PTK2B: variants seen among roughly 807,000 people sequenced by gnomAD.
The protein encoded by PTK2B is protein tyrosine kinase 2 beta.
In PTK2B, 71 loss-of-function variants were observed where a neutral mutation model predicts 142.9. The observed-to-expected ratio is 0.50, with a 90% CI of 0.41 to 0.61. PTK2B has a LOEUF of 0.61. Among genes scored for constraint, PTK2B ranks in the 20% least tolerant of loss-of-function variants. PTK2B has a pLI of 0.00. For missense variants in PTK2B, 1,105 were observed against 1,320.4 expected (o/e 0.84, Z 2.53); for synonymous variants, 519 against 503.4 (o/e 1.03, Z -0.42).
chr8:27,389,401 GAACT>G (rs1338618603), intron 1 of PTK2B, among the ~76,000 whole-genome samples: 1 of 152,176 alleles, frequency 6.6e-6, no homozygotes, highest in Admixed American at 6.5e-5. Context: ...AATTTTTGAA[GAACT>G]AAGAGAAGAA....
Position 27,314,938 on chromosome 8 carries a change from AAAAT to A in PTK2B, c.-414+1659_-414+1662del, listed in dbSNP as rs770980523. 2.8e-4 allele frequency among the ~76,000 whole-genome samples: 43 copies of A among 152,330 alleles called. 1 individual carries two copies. Among genetic ancestry groups the A allele is most frequent in the African/African-American group, 9.1e-4 (38 of 41,560 alleles). Reference sequence around the variant, plus strand: ...TGACAGAGCCAGACCCTGTCTCAAAAAAATAAATAAACTTCTATCCCTTTCCTCT... The same window carrying A: ...TGACAGAGCCAGACCCTGTCTCAAAAAAATAAACTTCTATCCCTTTCCTCT... On this transcript the variant is annotated intron_variant, in intron 3 of 35. Transcript: ENST00000397501.
At chr8:27,317,775 T>A (rs1350096162) in intron 3 of PTK2B, among the ~76,000 whole-genome samples, 3 of 152,164 alleles carry the variant, frequency 2.0e-5, no homozygotes, top group Non-Finnish European at 4.4e-5. Context: ...TCGGCCCCTG[T>A]AGGCATTTCG....
At chr8:27,370,426 A>G (rs747377594) in intron 1 of PTK2B, among the ~76,000 whole-genome samples, 1 of 152,252 alleles carries the variant, frequency 6.6e-6, no homozygotes, top group Non-Finnish European at 1.5e-5. Flanking sequence ...TTTGTAAACC[A>G]GTAAGTCTGA....
chr8:27,425,426 C>CT (rs1278433630), intron 5 of PTK2B, among the ~76,000 whole-genome samples: 2 of 152,058 alleles, frequency 1.3e-5, no homozygotes, highest in East Asian at 3.8e-4. Context: ...CTTTACCCTT[C>CT]TTTTGTTTGT....
intron 1 of PTK2B, among the ~76,000 whole-genome samples, chr8:27,350,478 A>G (rs1303241333): frequency 6.6e-6 from 1 of 152,160 alleles, no homozygotes; most frequent in East Asian, 1.9e-4. Context: ...TGGAATATCT[A>G]TTTCAATAAC....
At chr8:27,352,835 G>A (rs1034787537) in intron 1 of PTK2B, among the ~76,000 whole-genome samples, 9 of 152,266 alleles carry the variant, frequency 5.9e-5, no homozygotes, top group African/African-American at 2.2e-4. Context: ...CTAGCCATGT[G>A]GAACTGTAAG....
At chr8:27,334,066 C>G (rs2129641210) in intron 1 of PTK2B, among the ~76,000 whole-genome samples, 1 of 152,268 alleles carries the variant, frequency 6.6e-6, no homozygotes, top group East Asian at 1.9e-4. Context: ...TTCCACGCCC[C>G]CACTTTTTTC....
chr8:27,329,588 A>G (rs1248754176), intron 1 of PTK2B, among the ~76,000 whole-genome samples: 1 of 152,164 alleles, frequency 6.6e-6, no homozygotes, highest in Non-Finnish European at 1.5e-5. Context: ...GGGATGGAGT[A>G]GAGGTGCAGA....
intron 2 of PTK2B, among the ~76,000 whole-genome samples, chr8:27,410,473 TTGAG>T (rs1485141767): frequency 2.6e-5 from 4 of 152,214 alleles, no homozygotes; most frequent in East Asian, 3.8e-4. Context: ...GGGCCACTCT[TTGAG>T]TGAGAGCAAT....
rs1256180037 is a variant in PTK2B, at chr8:27,383,888, G to A, written c.-37-13660G>A. Among the ~76,000 whole-genome samples, 5 of 143,926 alleles carry A rather than the reference G, an allele frequency of 3.5e-5. 1 individual carries two copies. In the East Asian group the frequency reaches 1.0e-3, roughly 29 times the overall value. The allele number at this position is 143,926 out of a possible 152,430, so 94.4% of individuals were successfully genotyped here. A position where few individuals can be genotyped will look rare whatever the true frequency, so the allele number is the denominator to read the frequency against. On this transcript the variant is annotated intron_variant, in intron 1 of 30. Coordinates refer to ENST00000346049, the MANE Select transcript of PTK2B (RefSeq NM_173176.3). ...TTTGAGACAGAGTTTCACTCCTGTT[G>A]CCCAGGCTGGAGTGCAATGGTGTGA...
intron 10 of PTK2B, 57 bp from the exon 11 acceptor site, chr8:27,433,378 G>C: frequency 6.9e-7 from 1 of 1,453,302 alleles, no homozygotes; most frequent in Non-Finnish European, 9.6e-7. Context: ...CCAGCCCTGG[G>C]GGTGGTCTCT....
chr8:27,454,043 T>C, intron 28 of PTK2B, 111 bp from the exon 29 acceptor site: 1 of 1,443,686 alleles, frequency 6.9e-7, no homozygotes, highest in Non-Finnish European at 9.6e-7. Flanking sequence ...AGAAGAGTCC[T>C]TTCCAATCGG....
chr8:27,311,533 A>G (rs561374464), exon 1 of PTK2B: 224 of 461,726 alleles, frequency 4.9e-4, no homozygotes, highest in African/African-American at 4.4e-3. Flanking sequence ...GGTAGCACGG[A>G]AGGGTCTCCC....
intron 1 of PTK2B, among the ~76,000 whole-genome samples, chr8:27,376,154 A>G (rs1298795709): frequency 6.6e-6 from 1 of 152,204 alleles, no homozygotes; most frequent in African/African-American, 2.4e-5. Flanking sequence ...TTCAGGTCTA[A>G]AGTCCTCAGA....
In PTK2B at chr8:27,434,603, G is replaced by A. The variant is rs369023594; in HGVS notation, c.1192+44G>A. Reference sequence around the variant, plus strand: ...CCTCCACCTGCTCCAGTTGCCTCCCGTCTGCTTGCTCCCCACTGCTTGCTC... The same window carrying A: ...CCTCCACCTGCTCCAGTTGCCTCCCATCTGCTTGCTCCCCACTGCTTGCTC... On this transcript the variant is annotated intron_variant, in intron 13 of 30. Coordinates refer to ENST00000346049, the MANE Select transcript of PTK2B (RefSeq NM_173176.3). The A allele has an allele frequency of 2.5e-4, 391 of 1,574,204 alleles. No individual in the cohort carries two copies. The African/African-American group carries it at 2.9e-3, about 12-fold the overall frequency.
At chr8:27,329,510 C>T (rs1340389552) in intron 1 of PTK2B, among the ~76,000 whole-genome samples, 2 of 152,154 alleles carry the variant, frequency 1.3e-5, no homozygotes, top group Non-Finnish European at 2.9e-5. Flanking sequence ...TCTCTAGTTT[C>T]CCCTGCCTGG....
At chr8:27,437,906 G>T in intron 18 of PTK2B, 26 bp downstream of exon 18, 1 of 1,574,586 alleles carries the variant, frequency 6.4e-7, no homozygotes, top group East Asian at 2.3e-5. Context: ...GTGGCCAGCG[G>T]TATGGAAGCC....
At chr8:27,310,977 C>A, upstream of PTK2B, 1 of 1,611,932 alleles carries the variant, frequency 6.2e-7, no homozygotes, top group East Asian at 2.2e-5. Context: ...GCGCCCTCGG[C>A]CTCCTCGCGC....
intron 24 of PTK2B, among the ~76,000 whole-genome samples, chr8:27,450,474 T>C (rs1811729562): frequency 6.6e-6 from 1 of 152,200 alleles, no homozygotes; most frequent in African/African-American, 2.4e-5. Flanking sequence ...TGGTAAAATA[T>C]CATGAGCAGA....
Sources: allele counts gnomAD v4.1 joint callset (sites outside exome capture counted in the v4.1 genomes callset), GRCh38; gene constraint gnomAD v4.1.1; transcripts MANE v1.5; gene names NCBI Gene and HGNC (gene_info 2026-07-23, HGNC 2026-07-21).